MDN1: variants seen among roughly 807,000 people sequenced by gnomAD.
The protein encoded by MDN1 is midasin AAA ATPase 1, also known as midasin.
MDN1 carries 266 observed loss-of-function variants against 669.2 expected under a neutral mutation model. The ratio of observed to expected loss-of-function variants is 0.40; its 90% CI spans 0.36 to 0.44. The LOEUF (loss-of-function observed/expected upper bound fraction) is 0.44. Ranked by LOEUF, MDN1 falls within the 20% of genes least tolerant of loss-of-function variation. MDN1 has a pLI of 1.00. For missense variants in MDN1, 5,940 were observed against 6,754.0 expected, an observed-to-expected ratio of 0.88 and a Z score of 4.22; for synonymous variants, 2,385 against 2,457.1, an observed-to-expected ratio of 0.97 and a Z score of 0.87.
chr6:89,688,956 G>A, intron 65 of MDN1, 148 bp from the exon 66 acceptor site: 1 of 651,770 alleles, frequency 1.5e-6, no homozygotes, highest in Non-Finnish European at 2.7e-6. Flanking sequence ...GATTGCTTGA[G>A]GCCAGGAGTT....
At chr6:89,792,281 G>T (rs907467148) in intron 5 of MDN1, among the ~76,000 whole-genome samples, 1 of 152,102 alleles carries the variant, frequency 6.6e-6, no homozygotes, top group Non-Finnish European at 1.5e-5. Context: ...CTAAAAATAC[G>T]TGAGGATTAA....
chr6:89,722,888 C>A, intron 40 of MDN1, 67 bp downstream of exon 40: 1 of 1,400,074 alleles, frequency 7.1e-7, no homozygotes, highest in African/African-American at 1.5e-5. Context: ...TAGTGTATGT[C>A]CTTTCTCACC....
At chr6:89,678,032 G>A (rs930965173) in intron 75 of MDN1, among the ~76,000 whole-genome samples, 4 of 152,252 alleles carry the variant, frequency 2.6e-5, no homozygotes, top group Non-Finnish European at 5.9e-5. Flanking sequence ...CCAGCACTTT[G>A]GGAGGCTGAG....
intron 85 of MDN1, among the ~76,000 whole-genome samples, chr6:89,663,755 A>G (rs931228403): frequency 1.1e-4 from 16 of 151,982 alleles, no homozygotes; most frequent in Admixed American, 9.8e-4. Flanking sequence ...TAACATGGTG[A>G]AACCCCGTCT....
chr6:89,743,408 T>C, intron 30 of MDN1, 128 bp from the exon 31 acceptor site: 1 of 1,384,090 alleles, frequency 7.2e-7, no homozygotes, highest in South Asian at 1.3e-5. Flanking sequence ...GAACAGGAGA[T>C]AGAACTTGCA....
intron 95 of MDN1, 106 bp downstream of exon 95, chr6:89,652,086 C>T: frequency 2.4e-6 from 2 of 826,390 alleles, no homozygotes; most frequent in Non-Finnish European, 3.9e-6. Flanking sequence ...ATGCCTGGTC[C>T]TTTTTGTTAA....
In MDN1 at chr6:89,688,591, T is replaced by C. The variant is rs760768155; in HGVS notation, c.11241A>G (p.Glu3747=). The C allele has an allele frequency of 6.2e-7, 1 of 1,614,062 alleles. No individual in the cohort carries two copies. Among genetic ancestry groups the C allele is most frequent in the Non-Finnish European group, 8.5e-7 (1 of 1,179,956 alleles). The stretch of plus-strand genomic sequence containing the variant: ...GCCCTACCTGTTCAAGCGCTGGGTG[T>C]TCTGGCCAGTCCTGTAGCAAGTGAC... ...AVSHLLQDWP[E]HPALEQLLVV... Residue 3747 remains glutamate, a synonymous_variant, in exon 66 of 102, where the codon GAA becomes GAG. Coordinates refer to ENST00000369393, the MANE Select transcript of MDN1 (RefSeq NM_014611.3).
At position 89,761,633 on chromosome 6, in the gene MDN1, A is replaced by T. The variant is rs1350063765; in HGVS notation, c.2460+12T>A. 6 of 1,578,268 alleles carry T rather than the reference A, an allele frequency of 3.8e-6. No homozygotes were observed. The highest frequency in any genetic ancestry group is 1.7e-4 in the Middle Eastern group (1 of 5,858). On this transcript the variant is annotated intron_variant, in intron 17 of 101. Coordinates refer to ENST00000369393, the MANE Select transcript of MDN1 (RefSeq NM_014611.3). ...AACGTTCCCATAAGCTAAATAACAA[A>T]AACAGAAATACCTCTACAAATGCGA...
chr6:89,710,836 G>T, intron 49 of MDN1, 42 bp from the exon 50 acceptor site: 1 of 1,201,424 alleles, frequency 8.3e-7, no homozygotes, highest in African/African-American at 1.5e-5. Flanking sequence ...CTAAAGCAGT[G>T]CTATCCAATT....
At chr6:89,711,840 CAA>C (rs1329847998) in intron 49 of MDN1, among the ~76,000 whole-genome samples, 194 bp downstream of exon 49, 1 of 152,112 alleles carries the variant, frequency 6.6e-6, no homozygotes, top group African/African-American at 2.4e-5. Flanking sequence ...AACATGGAAA[CAA>C]AAGTTTATCT....
At chr6:89,773,195 TC>T (rs1818192376) in intron 13 of MDN1, among the ~76,000 whole-genome samples, 1 of 151,990 alleles carries the variant, frequency 6.6e-6, no homozygotes, top group African/African-American at 2.4e-5. Flanking sequence ...TTAGGGTGGG[TC>T]TTAAATCCAA....
intron 15 of MDN1, among the ~76,000 whole-genome samples, chr6:89,763,009 G>A (rs372756011): frequency 2.0e-5 from 3 of 152,140 alleles, no homozygotes; most frequent in South Asian, 4.2e-4. Flanking sequence ...CCAAGAACAC[G>A]CCACTGCCAC....
At chr6:89,771,771 C>A in intron 14 of MDN1, 150 bp from the exon 15 acceptor site, 1 of 649,762 alleles carries the variant, frequency 1.5e-6, no homozygotes. Flanking sequence ...TGCAGTGGCC[C>A]AATCATGGCT....
Position 89,771,483 on chromosome 6 carries a change from GT to G in MDN1, c.2144+77del, listed in dbSNP as rs576173996. Reference sequence around the variant, plus strand: ...ATCGAGCATCCTAGAACCTGTGGTTGTTAACACTAAGAAAACAGTATTTCTT... The same window carrying G: ...ATCGAGCATCCTAGAACCTGTGGTTGTAACACTAAGAAAACAGTATTTCTT... On this transcript the variant is annotated intron_variant, in intron 15 of 101. Coordinates refer to ENST00000369393, the MANE Select transcript of MDN1 (RefSeq NM_014611.3). The G allele has an allele frequency of 4.4e-4, 569 of 1,281,962 alleles. No homozygotes were observed. The African/African-American group carries it at 6.2e-3, about 14-fold the overall frequency. The allele number at this position is 1,281,962 out of a possible 1,614,324, so 79.4% of individuals were successfully genotyped here. A position where few individuals can be genotyped will look rare whatever the true frequency, so the allele number is the denominator to read the frequency against.
intron 15 of MDN1, among the ~76,000 whole-genome samples, chr6:89,770,400 CAAAAA>C (rs572130757): frequency 1.6e-5 from 1 of 61,110 alleles, no homozygotes. Context: ...GACTCTGTCT[CAAAAA>C]AAAAAAAAAA....
At chr6:89,684,505 CACT>C in intron 71 of MDN1, among the ~76,000 whole-genome samples, 1 of 152,204 alleles carries the variant, frequency 6.6e-6, no homozygotes, top group East Asian at 1.9e-4. Context: ...GTTCCACAAC[CACT>C]GAGAATATCA....
chr6:89,709,020 A>C (rs1013784872), intron 50 of MDN1, among the ~76,000 whole-genome samples: 61 of 152,046 alleles, frequency 4.0e-4, no homozygotes, highest in Non-Finnish European at 7.4e-4. Context: ...AAAATGAATA[A>C]ATACACCTCA....
intron 12 of MDN1, among the ~76,000 whole-genome samples, chr6:89,775,731 G>A (rs1450309773): frequency 4.6e-5 from 7 of 152,202 alleles, no homozygotes; most frequent in Non-Finnish European, 7.4e-5. Context: ...TGTCGCCCAC[G>A]TTGGAGTGCA....
Position 89,747,317 on chromosome 6 carries a change from T to C in MDN1, c.3904+12A>G, listed in dbSNP as rs530459594. On this transcript the variant is annotated intron_variant, in intron 27 of 101. Transcript: ENST00000369393. ...ATAACTATATATTGAGAGCATTTGA[T>C]TGAAAACACACCATCATTGGCTAAA... is the stretch of plus-strand genomic sequence containing the variant. 6.7e-5 allele frequency: 108 copies of C among 1,606,624 alleles called. No homozygotes were observed. Among genetic ancestry groups the C allele is most frequent in the Non-Finnish European group, 8.8e-5 (104 of 1,178,354 alleles).
Sources: gnomAD v4.1 joint callset for allele counts (sites outside exome capture counted in the v4.1 genomes callset) on GRCh38, gnomAD v4.1.1 for gene constraint, MANE v1.5 for transcripts, NCBI Gene and HGNC (gene_info 2026-07-23, HGNC 2026-07-21) for gene names.